Variants in TM9SF2 observed in about 807,000 individuals in gnomAD.
TM9SF2 encodes the protein 76 kDa membrane protein.
A neutral mutation model predicts 84.9 loss-of-function variants in TM9SF2; 13 were observed. The ratio of observed to expected loss-of-function variants is 0.15; its 90% CI spans 0.10 to 0.24. The LOEUF (loss-of-function observed/expected upper bound fraction) is 0.24. TM9SF2 is among the 10% of genes least tolerant of loss of function. TM9SF2 has a pLI of 1.00. For missense variants in TM9SF2, 562 were observed against 818.5 expected, an observed-to-expected ratio of 0.69 and a Z score of 3.82; for synonymous variants, 273 against 285.8, an observed-to-expected ratio of 0.96 and a Z score of 0.45.
In TM9SF2 at chr13:99,563,944, T is replaced by C. The variant is rs1282882128; in HGVS notation, c.*1186T>C. 6.6e-6 allele frequency: 1 copy of C among 152,180 alleles called. No individual in the cohort carries two copies. Among genetic ancestry groups the C allele is most frequent in the Non-Finnish European group, 1.5e-5 (1 of 68,036 alleles). 9.4% of individuals were successfully genotyped at this position (152,180 alleles called of 1,614,324 possible). On this transcript the variant is annotated 3_prime_UTR_variant, in exon 17 of 17. Transcript: ENST00000376387. ...GAGCATATTCATTTGTATTTTAGGG[T>C]CTCTCTGCTTGCTGCTTAGGAGAGC...
Position 99,539,532 on chromosome 13 carries a change from C to A in TM9SF2, c.803C>A (p.Ala268Asp). 6.2e-7 allele frequency: 1 copy of A among 1,611,714 alleles called. No homozygotes were observed. The highest frequency in any genetic ancestry group is 8.5e-7 in the Non-Finnish European group (1 of 1,177,890). Residue 268 changes from alanine to aspartate, a missense_variant, in exon 7 of 17, where the codon GCC becomes GAC. Physicochemically the swap from Ala to Asp is moderately radical, Grantham distance 126. Around this residue, in one of 4 missense-constraint regions of TM9SF2, gnomAD observed 219 missense variants for 338.1 expected, o/e 0.65. Coordinates refer to ENST00000376387, the MANE Select transcript of TM9SF2 (RefSeq NM_004800.3). ...SNKASGEIKI[A>D]YTYSVSFEED... ...AAGGCTTCTGGGGAGATAAAAATTG[C>A]CTATACTTACTCTGTTAGCTTCGAG...
Position 99,522,783 on chromosome 13 carries a change from G to A in TM9SF2, c.333+2654G>A, listed in dbSNP as rs139319193. Among the ~76,000 whole-genome samples, 188 of 152,344 alleles carry A rather than the reference G, an allele frequency of 1.2e-3. 2 individuals carry two copies. Among genetic ancestry groups the A allele is most frequent in the African/African-American group, 4.3e-3 (178 of 41,586 alleles). On this transcript the variant is annotated intron_variant, in intron 3 of 16. Coordinates refer to ENST00000376387, the MANE Select transcript of TM9SF2 (RefSeq NM_004800.3). ...TGGGGAGGTGTTGCCCTTTGGGGCA[G>A]ACTTTGAAGGCAGGTTACTCCCCTT...
intron 3 of TM9SF2, among the ~76,000 whole-genome samples, chr13:99,521,585 C>T (rs571076674): frequency 1.3e-5 from 2 of 152,334 alleles, no homozygotes; most frequent in East Asian, 3.9e-4. Context: ...GTCTTACTCC[C>T]TCCAGCACCT....
chr13:99,514,848 T>C (rs1467928388), intron 1 of TM9SF2, among the ~76,000 whole-genome samples: 1 of 152,246 alleles, frequency 6.6e-6, no homozygotes, highest in African/African-American at 2.4e-5. Flanking sequence ...TGGACATGGC[T>C]ATGTAATAGT....
rs376911701 is a variant in TM9SF2, at chr13:99,508,386, G to GA, written c.171+6617dup. 5.6e-5 allele frequency among the ~76,000 whole-genome samples: 7 copies of GA among 125,460 alleles called. No individual in the cohort carries two copies. The East Asian group carries it at 8.2e-4, about 15-fold the overall frequency. The allele number at this position is 125,460 out of a possible 152,430, so 82.3% of individuals were successfully genotyped here. Reference sequence around the variant, plus strand: ...TGGTGAATAAAGATGTTTAGAGTGGGAAAAAAAAGGCAAACAAAACACACA... The same window carrying GA: ...TGGTGAATAAAGATGTTTAGAGTGGGAAAAAAAAAGGCAAACAAAACACACA... On this transcript the variant is annotated intron_variant, in intron 1 of 16. Transcript: ENST00000376387.
chr13:99,541,370 A>G (rs1312040756), intron 8 of TM9SF2, among the ~76,000 whole-genome samples, 189 bp from the exon 9 acceptor site: 2 of 152,250 alleles, frequency 1.3e-5, no homozygotes, highest in East Asian at 3.8e-4. Flanking sequence ...TGATAAGTAT[A>G]TAATGTTATT....
At chr13:99,546,871 T>A (rs1016941485) in intron 10 of TM9SF2, 114 bp from the exon 11 acceptor site, 5 of 1,429,404 alleles carry the variant, frequency 3.5e-6, no homozygotes, top group Admixed American at 2.1e-5. Flanking sequence ...AGCACATGGT[T>A]TTGCGTGAAG....
At chr13:99,545,976 A>T (rs2139102931) in intron 10 of TM9SF2, among the ~76,000 whole-genome samples, 1 of 152,324 alleles carries the variant, frequency 6.6e-6, no homozygotes, top group South Asian at 2.1e-4. Flanking sequence ...AGAGTCTAGG[A>T]TAGAATACGA....
At chr13:99,531,440 A>G (rs2046209328) in intron 4 of TM9SF2, among the ~76,000 whole-genome samples, 1 of 152,198 alleles carries the variant, frequency 6.6e-6, no homozygotes, top group South Asian at 2.1e-4. Flanking sequence ...AGACCTGACC[A>G]GATCCTGTGG....
intron 4 of TM9SF2, among the ~76,000 whole-genome samples, chr13:99,530,981 C>A (rs567248413): frequency 2.1e-4 from 32 of 151,918 alleles, no homozygotes; most frequent in African/African-American, 7.2e-4. Context: ...GCATTTTAGC[C>A]GCCTGAGTAG....
At chr13:99,540,495 C>CT (rs201378003) in intron 7 of TM9SF2, 2,773 of 141,206 alleles carry the variant, frequency 0.02, 28 homozygotes, top group Non-Finnish European at 0.022. Context: ...ACTAGGAATT[C>CT]TTTTTTTTTT....
At chr13:99,524,492 C>T (rs2046173719) in intron 3 of TM9SF2, among the ~76,000 whole-genome samples, 2 of 151,852 alleles carry the variant, frequency 1.3e-5, no homozygotes, top group African/African-American at 2.4e-5. Context: ...TATTAGGTGT[C>T]CAAGCAGAGA....
chr13:99,505,579 A>G (rs2046085679), intron 1 of TM9SF2, among the ~76,000 whole-genome samples: 1 of 152,212 alleles, frequency 6.6e-6, no homozygotes, highest in South Asian at 2.1e-4. Context: ...GAGCTATGGT[A>G]TTCCTTTCCT....
At chr13:99,552,717 C>T (rs1337550063) in intron 13 of TM9SF2, among the ~76,000 whole-genome samples, 1 of 152,206 alleles carries the variant, frequency 6.6e-6, no homozygotes, top group African/African-American at 2.4e-5. Context: ...GATTTTCCTG[C>T]CTCAGCCTCC....
At chr13:99,532,947 C>G (rs2046217205) in intron 4 of TM9SF2, among the ~76,000 whole-genome samples, 1 of 152,134 alleles carries the variant, frequency 6.6e-6, no homozygotes, top group African/African-American at 2.4e-5. Context: ...AAGTGTAACC[C>G]TTAAATCAGT....
At chr13:99,550,179 T>C (rs1479855985) in intron 12 of TM9SF2, among the ~76,000 whole-genome samples, 1 of 152,206 alleles carries the variant, frequency 6.6e-6, no homozygotes, top group African/African-American at 2.4e-5. Flanking sequence ...GTGGTTCTTT[T>C]ATTCCTCCAA....
chr13:99,544,139 C>A, intron 10 of TM9SF2, 144 bp downstream of exon 10: 1 of 858,216 alleles, frequency 1.2e-6, no homozygotes, highest in Non-Finnish European at 1.8e-6. Context: ...ATGACAAGGT[C>A]AGGAGTTTGA....
In TM9SF2 at chr13:99,563,045, T is replaced by C. The variant is rs1308688786; in HGVS notation, c.*287T>C. 6 of 251,558 alleles carry C rather than the reference T, an allele frequency of 2.4e-5. No homozygotes were observed. Among genetic ancestry groups the C allele is most frequent in the Non-Finnish European group, 3.8e-5 (5 of 132,814 alleles). 15.6% of individuals were successfully genotyped at this position (251,558 alleles called of 1,614,324 possible). On this transcript the variant is annotated 3_prime_UTR_variant, in exon 17 of 17. Transcript: ENST00000376387. ...TTGTAAATACAGTAGCTATAAAATT[T>C]TCCATACTTCTAATGGCAGAATAGA...
intron 4 of TM9SF2, among the ~76,000 whole-genome samples, chr13:99,533,035 C>T (rs1166258190): frequency 6.6e-6 from 1 of 152,074 alleles, no homozygotes; most frequent in Admixed American, 6.5e-5. Context: ...CTGTCCATGA[C>T]CTATTTCAGA....
Sources: gnomAD v4.1 joint callset for allele counts (sites outside exome capture counted in the v4.1 genomes callset) on GRCh38, gnomAD v4.1.1 for gene constraint, gnomAD v4.1.1 regional missense constraint, MANE v1.5 for transcripts, NCBI Gene and HGNC (gene_info 2026-07-23, HGNC 2026-07-21) for gene names.